The following TANC2 variants were observed in gnomAD, a reference collection of about 807,000 sequenced individuals.
TANC2 encodes the protein protein TANC2.
TANC2 carries 26 observed loss-of-function variants against 210.5 expected under a neutral mutation model. The observed-to-expected ratio is 0.12, with a 90% CI of 0.09 to 0.17. The LOEUF (loss-of-function observed/expected upper bound fraction) is 0.17. TANC2 is among the 10% of genes least tolerant of loss of function. TANC2 has a pLI of 1.00. For missense variants in TANC2, 2,129 were observed against 2,608.9 expected (o/e 0.82, Z 4.01); for synonymous variants, 931 against 967.1 (o/e 0.96, Z 0.69).
At chr17:63,132,345 A>G (rs1447294347) in intron 4 of TANC2, among the ~76,000 whole-genome samples, 1 of 152,184 alleles carries the variant, frequency 6.6e-6, no homozygotes. Flanking sequence ...AAACCCAACA[A>G]AAGAAAGACC....
intron 2 of TANC2, among the ~76,000 whole-genome samples, chr17:63,048,995 A>G (rs985790321): frequency 3.9e-5 from 6 of 152,112 alleles, no homozygotes; most frequent in African/African-American, 9.7e-5. Context: ...AGCCCTTAGT[A>G]AAACGGAATA....
At chr17:63,088,599 AG>A (rs1297555121) in intron 3 of TANC2, 1 of 152,254 alleles carries the variant, frequency 6.6e-6, no homozygotes, top group Non-Finnish European at 1.5e-5. Context: ...TCCAGTGCAC[AG>A]TAAAATCAGC....
intron 5 of TANC2, among the ~76,000 whole-genome samples, chr17:63,175,001 C>G (rs1335746603): frequency 6.6e-6 from 1 of 152,056 alleles, no homozygotes; most frequent in African/African-American, 2.4e-5. Flanking sequence ...ACAGATTTCT[C>G]ATGTTTATGG....
intron 8 of TANC2, among the ~76,000 whole-genome samples, chr17:63,240,576 C>T (rs530515443): frequency 6.6e-6 from 1 of 152,308 alleles, no homozygotes; most frequent in African/African-American, 2.4e-5. Flanking sequence ...AGTGCTCCCT[C>T]TCTAGTTGTA....
chr17:63,332,130 A>G, intron 11 of TANC2: 1 of 350,792 alleles, frequency 2.9e-6, no homozygotes. Context: ...TTGAGCAGAA[A>G]AATCTTTGTG....
intron 9 of TANC2, among the ~76,000 whole-genome samples, chr17:63,299,752 G>C (rs1438442509): frequency 6.6e-6 from 1 of 151,732 alleles, no homozygotes; most frequent in Non-Finnish European, 1.5e-5. Context: ...CTCTGATGAT[G>C]GTTTCTTTTG....
chr17:63,216,634 T>A (rs2042034261), intron 7 of TANC2, among the ~76,000 whole-genome samples: 1 of 152,106 alleles, frequency 6.6e-6, no homozygotes, highest in Admixed American at 6.5e-5. Context: ...TCTGGGTAGT[T>A]AGTGTTAGAA....
chr17:63,031,140 T>C (rs1170132763), intron 2 of TANC2, among the ~76,000 whole-genome samples: 2 of 152,094 alleles, frequency 1.3e-5, no homozygotes, highest in Non-Finnish European at 2.9e-5. Flanking sequence ...GAAGATAGAT[T>C]TCTATGATTG....
At chr17:62,970,406 A>T (rs959271274) in intron 1 of TANC2, among the ~76,000 whole-genome samples, 2 of 152,164 alleles carry the variant, frequency 1.3e-5, no homozygotes, top group African/African-American at 4.8e-5. Flanking sequence ...GCAAATTAGG[A>T]TTTTACTAAC....
chr17:63,090,579 T>C (rs924531572), intron 3 of TANC2, among the ~76,000 whole-genome samples: 8 of 152,336 alleles, frequency 5.3e-5, no homozygotes, highest in African/African-American at 1.9e-4. Context: ...GGTGTATATG[T>C]GCCACGTTTT....
intron 2 of TANC2, among the ~76,000 whole-genome samples, chr17:63,066,439 C>T (rs571249178): frequency 4.6e-5 from 7 of 152,046 alleles, no homozygotes; most frequent in African/African-American, 1.4e-4. Flanking sequence ...CTGGGGCAGG[C>T]GTGGAGGCTA....
intron 5 of TANC2, among the ~76,000 whole-genome samples, chr17:63,188,575 G>A (rs1173068632): frequency 6.9e-6 from 1 of 144,186 alleles, no homozygotes; most frequent in Admixed American, 6.9e-5. Flanking sequence ...GTGACAGAGT[G>A]AGACTCTGTC....
intron 7 of TANC2, among the ~76,000 whole-genome samples, chr17:63,234,453 A>G (rs2042565286): frequency 6.6e-6 from 1 of 152,062 alleles, no homozygotes; most frequent in South Asian, 2.1e-4. Flanking sequence ...GAGGCCGATT[A>G]TTTTCGTTCT....
chr17:63,370,058 ACCTC>A (rs967236103), intron 14 of TANC2, among the ~76,000 whole-genome samples: 1 of 152,062 alleles, frequency 6.6e-6, no homozygotes, highest in Non-Finnish European at 1.5e-5. Flanking sequence ...TTTGCTATAA[ACCTC>A]ATAACTGATG....
chr17:63,220,363 A>C (rs970198649), intron 7 of TANC2, among the ~76,000 whole-genome samples: 7 of 151,890 alleles, frequency 4.6e-5, no homozygotes, highest in African/African-American at 1.7e-4. Context: ...CAAAGGAATC[A>C]AGGCATTTTA....
intron 4 of TANC2, among the ~76,000 whole-genome samples, chr17:63,118,380 A>G (rs985412772): frequency 2.0e-5 from 3 of 152,176 alleles, no homozygotes; most frequent in Admixed American, 6.5e-5. Context: ...GTAATTATCA[A>G]CAAGATATAT....
At position 63,171,824 on chromosome 17, in the gene TANC2, T is replaced by C. The variant is rs75889671; in HGVS notation, c.433+20444T>C. On this transcript the variant is annotated intron_variant, in intron 5 of 27. Transcript: ENST00000689528. ...AATCCCTGTAAATCCTCTTTGGTAC[T>C]GTGGAACAGAAAGCTGCCCTTAAAA... 5.5e-3 allele frequency among the ~76,000 whole-genome samples: 840 copies of C among 152,372 alleles called. 7 individuals are homozygous for C. Among genetic ancestry groups the C allele is most frequent in the African/African-American group, 0.018 (749 of 41,584 alleles).
chr17:63,090,213 GA>G (rs1339456766), intron 3 of TANC2, among the ~76,000 whole-genome samples: 4 of 111,400 alleles, frequency 3.6e-5, no homozygotes, highest in African/African-American at 1.7e-4. Flanking sequence ...TTTTTTTTTT[GA>G]GTTTTTTTTT....
At chr17:63,096,710 C>T (rs990994601) in intron 3 of TANC2, among the ~76,000 whole-genome samples, 2 of 152,076 alleles carry the variant, frequency 1.3e-5, no homozygotes, top group South Asian at 2.1e-4. Context: ...CTGCTGTGAA[C>T]GTTCATGTTC....
Sources: gnomAD v4.1 joint callset for allele counts (sites outside exome capture counted in the v4.1 genomes callset) on GRCh38, gnomAD v4.1.1 for gene constraint, MANE v1.5 for transcripts, NCBI Gene and HGNC (gene_info 2026-07-23, HGNC 2026-07-21) for gene names.